SEMA3A: variants seen among roughly 807,000 people sequenced by gnomAD.
The protein encoded by SEMA3A is semaphorin 3A, also known as semaphorin-3A.
Under a neutral mutation model 97.9 loss-of-function variants are expected in SEMA3A, and 29 were observed. The observed-to-expected ratio is 0.30, with a 90% CI of 0.22 to 0.40. SEMA3A has a LOEUF of 0.40. SEMA3A is among the 10% of genes least tolerant of loss of function. SEMA3A has a pLI of 1.00. For synonymous variants in SEMA3A, 321 were observed against 323.7 expected, an observed-to-expected ratio of 0.99 and a Z score of 0.09; for missense variants, 763 against 951.3, an observed-to-expected ratio of 0.80 and a Z score of 2.60.
At chr7:84,393,473 C>A (rs1803642260) in intron 1 of SEMA3A, among the ~76,000 whole-genome samples, 2 of 152,110 alleles carry the variant, frequency 1.3e-5, no homozygotes, top group African/African-American at 4.8e-5. Context: ...ATTACAATAG[C>A]ATGGTACTAG....
rs562402505 is a variant in SEMA3A, at chr7:83,957,801, G to A, written c.*3570C>T. ...ACTTCAAATAATTATTACAAATCAA[G>A]TTAAAAGTATAGATGTCCTTGGTGT... On this transcript the variant is annotated 3_prime_UTR_variant, in exon 17 of 17. Coordinates refer to ENST00000265362, the MANE Select transcript of SEMA3A (RefSeq NM_006080.3). The A allele has an allele frequency of 6.6e-5, 10 of 152,130 alleles. No individual in the cohort carries two copies. In the East Asian group the frequency reaches 1.5e-3, roughly 24 times the overall value. 9.4% of individuals were successfully genotyped at this position (152,130 alleles called of 1,614,324 possible).
intron 3 of SEMA3A, among the ~76,000 whole-genome samples, chr7:84,112,466 C>T (rs562196689): frequency 6.6e-6 from 1 of 152,278 alleles, no homozygotes; most frequent in South Asian, 2.1e-4. Flanking sequence ...TCAGTCCTGT[C>T]AGTATCACCT....
At chr7:84,289,974 T>G (rs1401712722) in intron 3 of SEMA3A, among the ~76,000 whole-genome samples, 1 of 152,096 alleles carries the variant, frequency 6.6e-6, no homozygotes, top group Non-Finnish European at 1.5e-5. Context: ...TAAAATTGAA[T>G]GAACTTTGAA....
chr7:84,391,812 A>G (rs1309439476), intron 1 of SEMA3A, among the ~76,000 whole-genome samples: 1 of 152,042 alleles, frequency 6.6e-6, no homozygotes, highest in Non-Finnish European at 1.5e-5. Context: ...TCTCTACAAA[A>G]AAATACAAAC....
chr7:84,096,078 T>C (rs1326520260), intron 4 of SEMA3A, among the ~76,000 whole-genome samples: 3 of 152,034 alleles, frequency 2.0e-5, no homozygotes, highest in African/African-American at 7.2e-5. Flanking sequence ...AATTTTTGAA[T>C]ACAAAACGTT....
At chr7:84,086,813 G>A (rs1402156085) in intron 4 of SEMA3A, among the ~76,000 whole-genome samples, 1 of 150,976 alleles carries the variant, frequency 6.6e-6, no homozygotes, top group Non-Finnish European at 1.5e-5. Context: ...CCAGCTTTCT[G>A]ATAGACTTCT....
chr7:84,204,350 T>A (rs11971977), intron 3 of SEMA3A, among the ~76,000 whole-genome samples: 9,547 of 152,174 alleles, frequency 0.063, 350 homozygotes, highest in African/African-American at 0.092. Flanking sequence ...CACCCCCTTT[T>A]CCCATCATGG....
At chr7:84,375,287 T>C (rs931501798) in intron 1 of SEMA3A, among the ~76,000 whole-genome samples, 1 of 152,184 alleles carries the variant, frequency 6.6e-6, no homozygotes. Context: ...CCAAAAGTGC[T>C]GGGATTACAG....
intron 1 of SEMA3A, among the ~76,000 whole-genome samples, chr7:84,423,165 C>T (rs1176418489): frequency 6.6e-6 from 1 of 151,938 alleles, no homozygotes; most frequent in African/African-American, 2.4e-5. Context: ...CATTTTCTAT[C>T]AAATAAGTAC....
chr7:83,978,027 T>C (rs1400432503), intron 14 of SEMA3A, among the ~76,000 whole-genome samples: 1 of 152,082 alleles, frequency 6.6e-6, no homozygotes, highest in Non-Finnish European at 1.5e-5. Context: ...ATGGTCTCGA[T>C]CTCCTGACCT....
At chr7:84,204,916 C>T (rs1798450365) in intron 3 of SEMA3A, among the ~76,000 whole-genome samples, 1 of 152,128 alleles carries the variant, frequency 6.6e-6, no homozygotes. Context: ...CTCACTTGGC[C>T]AGATGTGCAT....
chr7:84,003,855 C>T lies in SEMA3A; in HGVS notation c.1360+1484G>A, dbSNP rs577744247. ...TAACCAGAAATTGATACTTGCAATT[C>T]ATTGCCTTTATGAAACCCTGGGTCT... On this transcript the variant is annotated intron_variant, in intron 11 of 16. Coordinates refer to ENST00000265362, the MANE Select transcript of SEMA3A (RefSeq NM_006080.3). Among the ~76,000 whole-genome samples the T allele has an allele frequency of 0.012, 374 of 31,784 alleles. 2 individuals carry two copies. The African/African-American group carries it at 0.12, about 10-fold the overall frequency. The allele number at this position is 31,784 out of a possible 152,430, so 20.9% of individuals were successfully genotyped here. A position where few individuals can be genotyped will look rare whatever the true frequency, so the allele number is the denominator to read the frequency against.
chr7:84,124,787 T>C (rs1795740851), intron 3 of SEMA3A, among the ~76,000 whole-genome samples: 1 of 151,970 alleles, frequency 6.6e-6, no homozygotes, highest in Non-Finnish European at 1.5e-5. Flanking sequence ...ATTGCATCTG[T>C]AAATTAAAAT....
intron 3 of SEMA3A, among the ~76,000 whole-genome samples, chr7:84,219,764 C>T (rs1237517101): frequency 1.3e-5 from 2 of 152,168 alleles, no homozygotes; most frequent in Non-Finnish European, 2.9e-5. Flanking sequence ...TTCTGGATGA[C>T]TTGTTGCAGC....
chr7:83,980,618 A>ACAAAC (rs57547797), intron 14 of SEMA3A, among the ~76,000 whole-genome samples: 207 of 82,002 alleles, frequency 2.5e-3, no homozygotes, highest in Non-Finnish European at 4.2e-3. Flanking sequence ...AAAAAAAAAA[A>ACAAAC]AAAAAATATA....
intron 3 of SEMA3A, among the ~76,000 whole-genome samples, chr7:84,302,638 G>T (rs1562893647): frequency 6.6e-6 from 1 of 152,022 alleles, no homozygotes; most frequent in Non-Finnish European, 1.5e-5. Context: ...TAGAACGGGG[G>T]TCACACATTT....
intron 1 of SEMA3A, among the ~76,000 whole-genome samples, chr7:84,481,954 AAAGT>A (rs1245047498): frequency 1.3e-5 from 2 of 151,734 alleles, no homozygotes; most frequent in African/African-American, 4.8e-5. Flanking sequence ...AAGCATCGTA[AAAGT>A]AAGACTTGTT....
intron 3 of SEMA3A, among the ~76,000 whole-genome samples, chr7:84,120,072 T>C (rs1221271090): frequency 6.6e-6 from 1 of 151,244 alleles, no homozygotes; most frequent in Non-Finnish European, 1.5e-5. Flanking sequence ...ATAAAATGTC[T>C]GTATTTCAAA....
chr7:84,108,963 A>C (rs981487146), intron 4 of SEMA3A, among the ~76,000 whole-genome samples: 2 of 151,978 alleles, frequency 1.3e-5, no homozygotes, highest in East Asian at 3.9e-4. Flanking sequence ...AATCATGTAG[A>C]GCATAATTCC....
Sources: gnomAD v4.1 joint callset for allele counts (sites outside exome capture counted in the v4.1 genomes callset) on GRCh38, gnomAD v4.1.1 for gene constraint, MANE v1.5 for transcripts, NCBI Gene and HGNC (gene_info 2026-07-23, HGNC 2026-07-21) for gene names.